The following URGCP variants were observed in gnomAD, a reference collection of about 807,000 sequenced individuals.
URGCP encodes upregulator of cell proliferation.
Under a neutral mutation model 24.6 loss-of-function variants are expected in URGCP, and 13 were observed. That is an observed-to-expected ratio of 0.53 (90% CI 0.34 to 0.84). The LOEUF is 0.84. Ranked by LOEUF, URGCP falls within the 40% of genes least tolerant of loss-of-function variation. The probability of loss-of-function intolerance (pLI) is 0.01; values close to 1 mark genes in which losing one functional copy is unlikely to be tolerated. For synonymous variants in URGCP, 444 were observed against 487.2 expected (o/e 0.91, Z 1.17); for missense variants, 899 against 1,194.3 (o/e 0.75, Z 3.64).
At chr7:43,908,244 ATTC>A (rs2095906357), upstream of URGCP, among the ~76,000 whole-genome samples, 1 of 152,026 alleles carries the variant, frequency 6.6e-6, no homozygotes, top group African/African-American at 2.4e-5. Context: ...CACCTGGCTA[ATTC>A]TTCTATTTTT....
chr7:43,888,788 A>G (rs1277602770), intron 1 of URGCP: 2 of 152,234 alleles, frequency 1.3e-5, no homozygotes, highest in African/African-American at 4.8e-5. Flanking sequence ...ACATGCATCT[A>G]TTTCCTAACT....
chr7:43,887,839 G>A, intron 1 of URGCP, 23 bp from the exon 2 acceptor site: 1 of 1,473,508 alleles, frequency 6.8e-7, no homozygotes, highest in South Asian at 1.2e-5. Flanking sequence ...TTAAGATTTA[G>A]TTACAAAGAT....
At chr7:43,900,222 A>G (rs2095887524) in intron 1 of URGCP, among the ~76,000 whole-genome samples, 1 of 151,980 alleles carries the variant, frequency 6.6e-6, no homozygotes, top group East Asian at 1.9e-4. Flanking sequence ...GGGGAGGCCA[A>G]GGCAGGCGGA....
At chr7:43,910,056 A>G (rs1393987664), upstream of URGCP, among the ~76,000 whole-genome samples, 1 of 152,044 alleles carries the variant, frequency 6.6e-6, no homozygotes, top group Admixed American at 6.6e-5. Flanking sequence ...AAAAAATAAA[A>G]GACACCCTGT....
intron 1 of URGCP, among the ~76,000 whole-genome samples, chr7:43,896,149 T>C (rs1196184964): frequency 6.6e-6 from 1 of 151,976 alleles, no homozygotes; most frequent in East Asian, 1.9e-4. Context: ...TAGAGTAGAA[T>C]TGTGGTTATT....
chr7:43,918,939 T>C, intron 1 of URGCP: 1 of 1,381,608 alleles, frequency 7.2e-7, no homozygotes, highest in Non-Finnish European at 1.0e-6. Context: ...CAACTCCCCC[T>C]GTGCCAAGCT....
At chr7:43,894,758 G>C (rs185204534) in intron 1 of URGCP, among the ~76,000 whole-genome samples, 1 of 152,132 alleles carries the variant, frequency 6.6e-6, no homozygotes, top group African/African-American at 2.4e-5. Flanking sequence ...GGCCAGGCTT[G>C]GTGGCTCATG....
rs1218540091 is a variant in URGCP, at chr7:43,920,085, T to C, written c.-116+6047A>G. The C allele has an allele frequency of 3.3e-6, 4 of 1,205,316 alleles. No individual in the cohort carries two copies. In the Admixed American group the frequency reaches 7.6e-5, roughly 23 times the overall value. The allele number at this position is 1,205,316 out of a possible 1,614,324, so 74.7% of individuals were successfully genotyped here. A position where few individuals can be genotyped will look rare whatever the true frequency, so the allele number is the denominator to read the frequency against. ...GTCCCCTAGGACAGGGACCCTCATC[T>C]GCCTTACTGGTTGACCAAGGCCCTG... On this transcript the variant is annotated intron_variant, in intron 1 of 5. Coordinates refer to the URGCP transcript ENST00000426198.
At chr7:43,905,603 C>T (rs1287234536) in intron 1 of URGCP, 1 of 152,360 alleles carries the variant, frequency 6.6e-6, no homozygotes, top group East Asian at 1.9e-4. Flanking sequence ...CTCCCCACCC[C>T]TACCACTGAA....
intron 1 of URGCP, among the ~76,000 whole-genome samples, chr7:43,917,056 T>C (rs2132728146): frequency 6.6e-6 from 1 of 152,244 alleles, no homozygotes; most frequent in African/African-American, 2.4e-5. Context: ...TCCTCCAAAC[T>C]GGGAGAAGTT....
chr7:43,906,598 CCGCCTCCTT>C (rs974566639), upstream of URGCP: 15 of 1,216,680 alleles, frequency 1.2e-5, no homozygotes, highest in African/African-American at 2.2e-4. Context: ...GTCTCCGCTC[CCGCCTCCTT>C]CGCTTCCTCC....
chr7:43,906,613 C>A, upstream of URGCP: 1 of 1,189,902 alleles, frequency 8.4e-7, no homozygotes, highest in Non-Finnish European at 1.0e-6. Context: ...TCCTTCGCTT[C>A]CTCCGCGCGG....
At chr7:43,885,455 C>T (rs1283687028) in intron 3 of URGCP, among the ~76,000 whole-genome samples, 3 of 152,020 alleles carry the variant, frequency 2.0e-5, no homozygotes. Context: ...TAAAACCTTG[C>T]TTTAAGTCTT....
intron 1 of URGCP, among the ~76,000 whole-genome samples, chr7:43,924,524 T>C (rs2095926231): frequency 6.6e-6 from 1 of 152,170 alleles, no homozygotes; most frequent in African/African-American, 2.4e-5. Context: ...GAATCACTTG[T>C]TTTATGGGGA....
intron 1 of URGCP, among the ~76,000 whole-genome samples, chr7:43,914,457 A>C: frequency 6.6e-6 from 1 of 152,210 alleles, no homozygotes; most frequent in East Asian, 1.9e-4. Flanking sequence ...GTGAGCCAAG[A>C]TCATACCACT....
At position 43,877,230 on chromosome 7, in the gene URGCP, A is replaced by T; in HGVS notation, c.2233T>A (p.Cys745Ser). The change falls in exon 6 of 6, where the codon TGT (cysteine) becomes AGT (serine). Residue 745 changes from cysteine (C) to serine (S), a missense_variant. Coordinates refer to ENST00000453200, the MANE Select transcript of URGCP (RefSeq NM_001077663.3). The part of the protein sequence containing the change: ...VAEGFSQDLG[C>S]DHILVIDSGG... ...GAGTCTATCACCAGGATGTGGTCACAGCCCAGGTCCTGGCTGAAGCCCTCA... is the reference window on the plus strand; with the variant it reads ...GAGTCTATCACCAGGATGTGGTCACTGCCCAGGTCCTGGCTGAAGCCCTCA... The T allele has an allele frequency of 6.2e-7, 1 of 1,614,124 alleles. No individual in the cohort carries two copies. The highest frequency in any genetic ancestry group is 8.5e-7 in the Non-Finnish European group (1 of 1,179,976).
chr7:43,890,339 C>T (rs1317842089), intron 1 of URGCP, among the ~76,000 whole-genome samples: 6 of 151,664 alleles, frequency 4.0e-5, no homozygotes, highest in African/African-American at 9.7e-5. Context: ...TTCAGCCTCC[C>T]GAGTAGCTGG....
chr7:43,886,551 G>A (rs547059596), intron 3 of URGCP, among the ~76,000 whole-genome samples: 2 of 152,218 alleles, frequency 1.3e-5, no homozygotes, highest in African/African-American at 4.8e-5. Context: ...TCAGGAGTTC[G>A]AGACCAGCCT....
At chr7:43,894,539 T>G (rs1374572358) in intron 1 of URGCP, among the ~76,000 whole-genome samples, 1 of 151,934 alleles carries the variant, frequency 6.6e-6, no homozygotes, top group Admixed American at 6.6e-5. Context: ...TTTTTTATTT[T>G]TTTTAGAGAT....
Sources: allele counts gnomAD v4.1 joint callset (sites outside exome capture counted in the v4.1 genomes callset), GRCh38; gene constraint gnomAD v4.1.1; transcripts MANE v1.5; gene names NCBI Gene and HGNC (gene_info 2026-07-23, HGNC 2026-07-21).